Variants in PDE8B observed in about 807,000 individuals in gnomAD.
PDE8B encodes high affinity cAMP-specific and IBMX-insensitive 3',5'-cyclic phosphodiesterase 8B.
Under a neutral mutation model 101.3 loss-of-function variants are expected in PDE8B, and 26 were observed. The observed-to-expected ratio is 0.26, with a 90% CI of 0.19 to 0.36. The LOEUF (loss-of-function observed/expected upper bound fraction) is 0.36. Among genes scored for constraint, PDE8B ranks in the 10% least tolerant of loss-of-function variants. PDE8B has a pLI of 1.00. For synonymous variants in PDE8B, 424 were observed against 429.3 expected (o/e 0.99, Z 0.15); for missense variants, 810 against 1,163.1 (o/e 0.70, Z 4.42).
chr5:77,315,358 C>T (rs1044168791), intron 2 of PDE8B, among the ~76,000 whole-genome samples: 2 of 152,076 alleles, frequency 1.3e-5, no homozygotes, highest in African/African-American at 4.8e-5. Flanking sequence ...AGGCTGATCC[C>T]CCCACCCCAC....
intron 10 of PDE8B, among the ~76,000 whole-genome samples, chr5:77,397,908 A>AC (rs540976014): frequency 3.3e-5 from 5 of 149,742 alleles, no homozygotes; most frequent in Non-Finnish European, 5.9e-5. Context: ...TCTGTACCCC[A>AC]CCCCCCGCCT....
chr5:77,097,871 C>T, the PDE8B span, among the ~76,000 whole-genome samples: 1 of 150,100 alleles, frequency 6.7e-6, no homozygotes, highest in African/African-American at 2.4e-5. Flanking sequence ...CCACTTACCA[C>T]TAGAAATGAG....
chr5:77,244,916 G>C (rs1020539056), intron 1 of PDE8B, among the ~76,000 whole-genome samples: 1 of 152,112 alleles, frequency 6.6e-6, no homozygotes, highest in African/African-American at 2.4e-5. Context: ...CAGGGCAGGG[G>C]GTGCTGAGAA....
At chr5:77,186,471 C>T in the PDE8B span, among the ~76,000 whole-genome samples, 1 of 152,204 alleles carries the variant, frequency 6.6e-6, no homozygotes, top group African/African-American at 2.4e-5. Flanking sequence ...ACCCTGGAAT[C>T]AGGATGTGTT....
chr5:77,196,061 A>G, the PDE8B span, among the ~76,000 whole-genome samples: 47,989 of 152,088 alleles, frequency 0.32, 7,877 homozygotes, highest in Non-Finnish European at 0.36. Context: ...GGCCACTTGT[A>G]TATCTTCTTT....
the PDE8B span, among the ~76,000 whole-genome samples, chr5:77,201,314 G>A: frequency 6.6e-6 from 1 of 152,180 alleles, no homozygotes; most frequent in Non-Finnish European, 1.5e-5. Context: ...AGGACCTGAA[G>A]GCTGACATAT....
intron 1 of PDE8B, among the ~76,000 whole-genome samples, chr5:77,250,385 G>A (rs1031245213): frequency 4.6e-5 from 7 of 152,170 alleles, no homozygotes; most frequent in Non-Finnish European, 1.0e-4. Context: ...CCTCTATGAT[G>A]ATTCCAGGAA....
intron 20 of PDE8B, among the ~76,000 whole-genome samples, chr5:77,424,475 CTTAGT>C (rs369143211): frequency 2.4e-4 from 36 of 152,288 alleles, no homozygotes; most frequent in African/African-American, 8.4e-4. Context: ...TGATGATGGC[CTTAGT>C]TTAATGTGCA....
intron 1 of PDE8B, among the ~76,000 whole-genome samples, chr5:77,263,694 G>A (rs938640334): frequency 6.6e-6 from 1 of 152,124 alleles, no homozygotes; most frequent in Non-Finnish European, 1.5e-5. Flanking sequence ...CGGAGGACCT[G>A]GTATTTGGTG....
At chr5:77,409,583 C>A (rs1794139898) in intron 14 of PDE8B, among the ~76,000 whole-genome samples, 1 of 152,006 alleles carries the variant, frequency 6.6e-6, no homozygotes, top group Non-Finnish European at 1.5e-5. Flanking sequence ...GAGAAGGAAC[C>A]TCTCACTGCC....
chr5:77,291,438 C>T, intron 1 of PDE8B: 1 of 1,611,492 alleles, frequency 6.2e-7, no homozygotes, highest in East Asian at 2.2e-5. Flanking sequence ...AGGTCTTGCC[C>T]ACGATGCATC....
chr5:77,354,219 A>G (rs1287515287), intron 10 of PDE8B, among the ~76,000 whole-genome samples: 16 of 152,192 alleles, frequency 1.1e-4, no homozygotes, highest in Non-Finnish European at 2.9e-5. Context: ...CCTGGAGATC[A>G]ACTGGAACCA....
At chr5:77,098,293 T>TAA in the PDE8B span, among the ~76,000 whole-genome samples, 32,906 of 145,058 alleles carry the variant, frequency 0.23, 4,225 homozygotes, top group Admixed American at 0.34. Flanking sequence ...TTTTTTTTTT[T>TAA]AAAAAAAAAA....
At chr5:77,308,322 G>A (rs1771725010) in intron 1 of PDE8B, among the ~76,000 whole-genome samples, 1 of 152,184 alleles carries the variant, frequency 6.6e-6, no homozygotes, top group South Asian at 2.1e-4. Context: ...AGAGGAGCTG[G>A]TAAACTGAGG....
chr5:77,138,765 T>C, the PDE8B span, among the ~76,000 whole-genome samples: 3 of 152,188 alleles, frequency 2.0e-5, no homozygotes, highest in African/African-American at 7.2e-5. Flanking sequence ...ACTTTGCCTA[T>C]CCAACGATCT....
chr5:77,142,925 C>T, the PDE8B span, among the ~76,000 whole-genome samples: 1 of 152,130 alleles, frequency 6.6e-6, no homozygotes, highest in African/African-American at 2.4e-5. Context: ...CTCTCCCAAA[C>T]TTAGCTTCAT....
intron 5 of PDE8B, among the ~76,000 whole-genome samples, chr5:77,332,837 CA>C (rs35330679): frequency 0.16 from 17,377 of 108,786 alleles, 2,460 homozygotes; most frequent in African/African-American, 0.42. Context: ...AACTCCGTCT[CA>C]AAAAAAAAAA....
At chr5:77,099,551 A>G in the PDE8B span, among the ~76,000 whole-genome samples, 1 of 152,032 alleles carries the variant, frequency 6.6e-6, no homozygotes, top group African/African-American at 2.4e-5. Context: ...TGCAGAGGAC[A>G]GCATTGCTGG....
rs140381860 is a variant in PDE8B, at chr5:77,412,221, C to T, written c.1698C>T (p.Ala566=). The stretch of plus-strand genomic sequence containing the variant: ...ACTTCAACATCTTTGAATTGGAAGC[C>T]ATTACGCATAAAAGGTATGTGACTT... ...SWDFNIFELE[A]ITHKRPLVYL... The change falls in exon 16 of 22, where the codon GCC becomes GCT. Residue 566 remains alanine, a synonymous_variant. Transcript: ENST00000264917. 6.2e-7 allele frequency: 1 copy of T among 1,614,042 alleles called. No individual in the cohort carries two copies. Among genetic ancestry groups the T allele is most frequent in the Middle Eastern group, 1.7e-4 (1 of 6,058 alleles).
Sources: allele counts gnomAD v4.1 joint callset (sites outside exome capture counted in the v4.1 genomes callset), GRCh38; gene constraint gnomAD v4.1.1; transcripts MANE v1.5; gene names NCBI Gene and HGNC (gene_info 2026-07-23, HGNC 2026-07-21).